The following SATB2 variants were observed in gnomAD, a reference collection of about 807,000 sequenced individuals.
The protein encoded by SATB2 is DNA-binding protein SATB2.
In SATB2, 1 loss-of-function variant was observed where a neutral mutation model predicts 73.4. The ratio of observed to expected loss-of-function variants is 0.01; its 90% CI spans 0.00 to 0.06. The LOEUF (loss-of-function observed/expected upper bound fraction) is 0.06. Ranked by LOEUF, SATB2 falls within the 10% of genes least tolerant of loss-of-function variation. The pLI, the probability that SATB2 is intolerant of heterozygous loss-of-function variation, is 1.00. For missense variants in SATB2, 459 were observed against 945.8 expected (o/e 0.49, Z 6.75); for synonymous variants, 397 against 367.0 (o/e 1.08, Z -0.93).
chr2:199,334,809 G>A (rs1688288864), intron 7 of SATB2, among the ~76,000 whole-genome samples: 1 of 152,070 alleles, frequency 6.6e-6, no homozygotes, highest in African/African-American at 2.4e-5. Context: ...CAGCGACATG[G>A]CTGTAGAAAG....
At chr2:199,379,650 G>T (rs1312210511) in intron 5 of SATB2, among the ~76,000 whole-genome samples, 1 of 147,860 alleles carries the variant, frequency 6.8e-6, no homozygotes, top group Non-Finnish European at 1.5e-5. Flanking sequence ...GTTAATGACT[G>T]TATATGTAAA....
At chr2:199,329,745 G>A (rs1212135483) in intron 7 of SATB2, among the ~76,000 whole-genome samples, 6 of 152,126 alleles carry the variant, frequency 3.9e-5, no homozygotes, top group Non-Finnish European at 8.8e-5. Context: ...GTGCTCTGAC[G>A]ACAGAGAATT....
At chr2:199,331,135 G>A (rs1332816409) in intron 7 of SATB2, among the ~76,000 whole-genome samples, 1 of 151,744 alleles carries the variant, frequency 6.6e-6, no homozygotes, top group East Asian at 1.9e-4. Flanking sequence ...TGTTCTAATG[G>A]ACCATGGCTC....
In SATB2 at chr2:199,308,811, G is replaced by A. The variant is rs1372580382; in HGVS notation, c.1689C>T (p.His563=). The A allele has an allele frequency of 6.2e-6, 10 of 1,614,012 alleles. No homozygotes were observed. Among genetic ancestry groups the A allele is most frequent in the African/African-American group, 1.3e-5 (1 of 74,918 alleles). ...DVIYEEESRH[H]HSERMQHVVQ... is the part of the protein sequence containing the mutation. The stretch of plus-strand genomic sequence containing the variant: ...CCACGTGTTGCATGCGTTCGCTGTG[G>A]TGATGCCTTGACTCCTCCTCATAGA... The change falls in exon 10 of 11, where the codon CAC becomes CAT. Residue 563 remains histidine, a synonymous_variant. Coordinates refer to ENST00000417098, the MANE Select transcript of SATB2 (RefSeq NM_001172509.2). The surrounding 1 kb of genome is among the most constrained non-coding windows in gnomAD (Gnocchi z 4.6).
chr2:199,468,566 TG>T (rs942373103), upstream of SATB2, among the ~76,000 whole-genome samples: 1 of 152,228 alleles, frequency 6.6e-6, no homozygotes, highest in Non-Finnish European at 1.5e-5. Flanking sequence ...AGAGCTGGGC[TG>T]GTGCAGTATC....
Position 199,342,426 on chromosome 2 carries a change from T to TAA in SATB2, c.1173+6273_1173+6274dup, listed in dbSNP as rs532281689. On this transcript the variant is annotated intron_variant, in intron 7 of 10. Transcript: ENST00000417098. ...TAATCTCATCTTTCAAAAGACTAGCTAAAAAAAAAAAAAAAAGAGTGGTGA... is the reference window on the plus strand; with the variant it reads ...TAATCTCATCTTTCAAAAGACTAGCTAAAAAAAAAAAAAAAAAAGAGTGGTGA... Among the ~76,000 whole-genome samples the TAA allele has an allele frequency of 2.6e-3, 315 of 122,414 alleles. 3 individuals carry two copies. In the South Asian group the frequency reaches 0.037, roughly 14 times the overall value. The allele number at this position is 122,414 out of a possible 152,430, so 80.3% of individuals were successfully genotyped here. A position where few individuals can be genotyped will look rare whatever the true frequency, so the allele number is the denominator to read the frequency against.
chr2:199,425,427 A>G (rs923720069), intron 3 of SATB2, among the ~76,000 whole-genome samples: 1 of 152,210 alleles, frequency 6.6e-6, no homozygotes, highest in African/African-American at 2.4e-5. Flanking sequence ...TACTTTCCTC[A>G]TCATGGAGGA....
chr2:199,433,572 C>G, intron 2 of SATB2, 58 bp from the exon 3 acceptor site: 1 of 1,504,774 alleles, frequency 6.6e-7, no homozygotes. Context: ...TCTCAGTCAC[C>G]ACGATGAGAA....
chr2:199,415,936 G>C (rs1199157411), intron 3 of SATB2, among the ~76,000 whole-genome samples: 2 of 152,210 alleles, frequency 1.3e-5, no homozygotes, highest in African/African-American at 2.4e-5. Flanking sequence ...CACCAAGCCT[G>C]TGTGCCAACT....
chr2:199,463,475 G>A lies in SATB2; in HGVS notation c.-141+1361C>T, dbSNP rs1196278513. On this transcript the variant is annotated intron_variant, in intron 1 of 11. Transcript: ENST00000260926. The surrounding 1 kb of genome is among the most constrained non-coding windows in gnomAD (Gnocchi z 6.4). ...GCCCAAGGTGGCTGCGAAGAGCCCC[G>A]AGGCCTCGGCTTGGCGTCAATGTCC... Among the ~76,000 whole-genome samples, 2 of 152,264 alleles carry A rather than the reference G, an allele frequency of 1.3e-5. No individual in the cohort carries two copies. The highest frequency in any genetic ancestry group is 4.1e-4 in the South Asian group (2 of 4,822).
intron 7 of SATB2, 137 bp from the exon 8 acceptor site, chr2:199,329,047 A>G (rs1254419233): frequency 2.8e-6 from 2 of 719,290 alleles, no homozygotes; most frequent in Non-Finnish European, 5.0e-6. Flanking sequence ...CTAATTCCTT[A>G]GGGTTCTCCG....
At chr2:199,333,360 C>T (rs1180778337) in intron 7 of SATB2, among the ~76,000 whole-genome samples, 1 of 151,764 alleles carries the variant, frequency 6.6e-6, no homozygotes, top group African/African-American at 2.4e-5. Context: ...GTCACCTTGG[C>T]TCAAAGGAGG....
At chr2:199,354,385 A>G (rs1688911803) in intron 6 of SATB2, among the ~76,000 whole-genome samples, 1 of 152,064 alleles carries the variant, frequency 6.6e-6, no homozygotes, top group Admixed American at 6.6e-5. Context: ...AATAACTCAC[A>G]ACTGCTCCCA....
chr2:199,412,855 C>T (rs539790830), intron 3 of SATB2, among the ~76,000 whole-genome samples: 5 of 152,204 alleles, frequency 3.3e-5, no homozygotes, highest in South Asian at 2.1e-4. Context: ...CTGTAAAATC[C>T]ATGGAGAATG....
chr2:199,385,129 T>C (rs1689891488), intron 3 of SATB2, among the ~76,000 whole-genome samples: 1 of 151,234 alleles, frequency 6.6e-6, no homozygotes, highest in African/African-American at 2.5e-5. Flanking sequence ...CCCTACTTTT[T>C]TGTTTGTTTG....
At chr2:199,349,484 A>T (rs1245631462) in intron 6 of SATB2, among the ~76,000 whole-genome samples, 1 of 152,162 alleles carries the variant, frequency 6.6e-6, no homozygotes, top group East Asian at 1.9e-4. Flanking sequence ...TAGATCCCCC[A>T]AGCTCTATCA....
At chr2:199,298,655 C>T (rs552992204) in intron 10 of SATB2, among the ~76,000 whole-genome samples, 2 of 152,140 alleles carry the variant, frequency 1.3e-5, no homozygotes, top group African/African-American at 2.4e-5. Context: ...TCTTAAGCTA[C>T]CTTCATCCCC....
intron 5 of SATB2, 31 bp from the exon 6 acceptor site, chr2:199,368,738 A>G: frequency 7.8e-7 from 1 of 1,279,486 alleles, no homozygotes; most frequent in Non-Finnish European, 1.1e-6. Flanking sequence ...TATTTTTTCA[A>G]AATATGACTA....
At position 199,272,475 on chromosome 2, in the gene SATB2, G is replaced by A. The variant is rs764543183; in HGVS notation, c.1938C>T (p.His646=). The change falls in exon 11 of 11, where the codon CAC becomes CAT. Residue 646 remains histidine (H), a synonymous_variant. Coordinates refer to ENST00000417098, the MANE Select transcript of SATB2 (RefSeq NM_001172509.2). The surrounding 1 kb of genome is among the most constrained non-coding windows in gnomAD (Gnocchi z 6.7). The stretch of plus-strand genomic sequence containing the variant: ...GGAGATCCAGCTGAGCCGAAAGAGT[G>A]TGGATGGCTTCCTGGTCTGGGTACA... ...VGLYPDQEAI[H]TLSAQLDLPK... 37 of 1,614,086 alleles carry A rather than the reference G, an allele frequency of 2.3e-5. No homozygotes were observed. Among genetic ancestry groups the A allele is most frequent in the Non-Finnish European group, 2.9e-5 (34 of 1,180,038 alleles).
Sources: gnomAD v4.1 joint callset for allele counts (sites outside exome capture counted in the v4.1 genomes callset) on GRCh38, gnomAD v4.1.1 for gene constraint, Gnocchi (gnomAD v3.1) non-coding constraint, MANE v1.5 for transcripts, NCBI Gene and HGNC (gene_info 2026-07-23, HGNC 2026-07-21) for gene names.